Variants in WWP1 observed in about 807,000 individuals in gnomAD.
WWP1 encodes NEDD4-like E3 ubiquitin-protein ligase WWP1.
A neutral mutation model predicts 130.6 loss-of-function variants in WWP1; 49 were observed. The observed-to-expected ratio is 0.38, with a 90% CI of 0.30 to 0.48. The LOEUF is 0.48. Ranked by LOEUF, WWP1 falls within the 20% of genes least tolerant of loss-of-function variation. The pLI is 0.99. For synonymous variants in WWP1, 332 were observed against 367.8 expected, an observed-to-expected ratio of 0.90 and a Z score of 1.11; for missense variants, 809 against 1,100.6, an observed-to-expected ratio of 0.74 and a Z score of 3.75.
chr8:86,419,394 G>T (rs919343378), intron 9 of WWP1, among the ~76,000 whole-genome samples: 2 of 152,162 alleles, frequency 1.3e-5, no homozygotes, highest in East Asian at 1.9e-4. Context: ...GTCCAGCTTG[G>T]GTGACAGAGC....
intron 5 of WWP1, among the ~76,000 whole-genome samples, chr8:86,388,276 CTT>C (rs1338359974): frequency 1.7e-5 from 2 of 116,324 alleles, no homozygotes; most frequent in African/African-American, 3.2e-5. Context: ...TTCCTTTTTT[CTT>C]TTTTAAATGT....
At chr8:86,401,333 G>A (rs1807966646) in intron 7 of WWP1, among the ~76,000 whole-genome samples, 1 of 152,032 alleles carries the variant, frequency 6.6e-6, no homozygotes, top group South Asian at 2.1e-4. Flanking sequence ...GTCAAGATGG[G>A]AGGATCGCTT....
intron 8 of WWP1, among the ~76,000 whole-genome samples, chr8:86,411,174 G>A (rs187839419): frequency 1.1e-4 from 17 of 152,236 alleles, no homozygotes; most frequent in South Asian, 2.1e-4. Flanking sequence ...AGGGAAGGGC[G>A]ATTGAAAGGG....
intron 21 of WWP1, among the ~76,000 whole-genome samples, chr8:86,454,257 A>G (rs184984457): frequency 5.8e-4 from 89 of 152,288 alleles, no homozygotes; most frequent in South Asian, 2.1e-4. Flanking sequence ...TGCAAATGCT[A>G]TGGTAAATAG....
intron 9 of WWP1, among the ~76,000 whole-genome samples, chr8:86,423,210 ATTTATTTATTTAT>A (rs1048378292): frequency 9.2e-5 from 14 of 151,640 alleles, no homozygotes; most frequent in African/African-American, 2.7e-4. Context: ...TTTTATTTTT[ATTTATTTATTTAT>A]TTTATTTATT....
chr8:86,348,107 A>G (rs1822693334), intron 1 of WWP1, among the ~76,000 whole-genome samples: 1 of 152,238 alleles, frequency 6.6e-6, no homozygotes, highest in Non-Finnish European at 1.5e-5. Flanking sequence ...TTTTTTAGGG[A>G]ATGTATAATG....
intron 10 of WWP1, among the ~76,000 whole-genome samples, chr8:86,425,737 A>G (rs543056668): frequency 6.6e-6 from 1 of 152,354 alleles, no homozygotes; most frequent in East Asian, 1.9e-4. Context: ...TATGATCTAC[A>G]AAGATTGCCA....
At chr8:86,378,629 A>C (rs1824806997) in intron 3 of WWP1, among the ~76,000 whole-genome samples, 1 of 152,204 alleles carries the variant, frequency 6.6e-6, no homozygotes, top group African/African-American at 2.4e-5. Context: ...GTTGTCTTCT[A>C]GTTATTTAAA....
chr8:86,398,475 A>T lies in WWP1; in HGVS notation c.468A>T (p.Pro156=). Residue 156 remains proline, a synonymous_variant, in exon 6 of 25, where the codon CCA becomes CCT. Coordinates refer to ENST00000517970, the MANE Select transcript of WWP1 (RefSeq NM_007013.4). ...ATATAACAAACTGCAGCTCATCTCC[A>T]ACCAGTAAGCTAACTTTATATGTTT... The part of the protein sequence containing the change: ...QENITNCSSS[P]TIEIQENGDA... 1 of 1,612,406 alleles carries T rather than the reference A, an allele frequency of 6.2e-7. No homozygotes were observed. The highest frequency in any genetic ancestry group is 1.1e-5 in the South Asian group (1 of 90,630).
intron 1 of WWP1, among the ~76,000 whole-genome samples, chr8:86,352,220 T>TTTTATTTATTTA (rs144926323): frequency 6.6e-6 from 1 of 150,504 alleles, no homozygotes; most frequent in Non-Finnish European, 1.5e-5. Context: ...AATTTTTTAT[T>TTTTATTTATTTA]TTTATTTATT....
At chr8:86,366,533 ATTTTGAGCCT>A (rs1586272086) in intron 1 of WWP1, among the ~76,000 whole-genome samples, 1 of 152,182 alleles carries the variant, frequency 6.6e-6, no homozygotes, top group Non-Finnish European at 1.5e-5. Flanking sequence ...CAGTGATATG[ATTTTGAGCCT>A]TAGTGATGAG....
chr8:86,373,216 C>A (rs1824435481), intron 2 of WWP1, among the ~76,000 whole-genome samples: 1 of 151,766 alleles, frequency 6.6e-6, no homozygotes, highest in African/African-American at 2.4e-5. Context: ...AAACTTAGAA[C>A]ATTTTTTGAA....
At chr8:86,423,811 G>GCCCCC (rs373220036) in intron 9 of WWP1, among the ~76,000 whole-genome samples, 4 of 142,846 alleles carry the variant, frequency 2.8e-5, no homozygotes, top group African/African-American at 1.0e-4. Flanking sequence ...GGGCAGAGGC[G>GCCCCC]CCCCCCCCCC....
chr8:86,409,226 C>CTTTTTT (rs1230976832), intron 8 of WWP1, among the ~76,000 whole-genome samples: 63 of 100,486 alleles, frequency 6.3e-4, no homozygotes, highest in African/African-American at 1.1e-3. Flanking sequence ...CTTTTTCTTT[C>CTTTTTT]TTTTTTTTTT....
At chr8:86,429,362 GT>G (rs1280291146) in intron 11 of WWP1, among the ~76,000 whole-genome samples, 2 of 152,136 alleles carry the variant, frequency 1.3e-5, no homozygotes, top group East Asian at 3.8e-4. Flanking sequence ...ACAAAACAGG[GT>G]TTTGGTTCTC....
Position 86,389,978 on chromosome 8 carries a change from C to T in WWP1, c.334+8349C>T, listed in dbSNP as rs187498417. Among the ~76,000 whole-genome samples, 180 of 151,080 alleles carry T rather than the reference C, an allele frequency of 1.2e-3. 2 individuals are homozygous for T. The highest frequency in any genetic ancestry group is 4.1e-3 in the African/African-American group (169 of 41,148). On this transcript the variant is annotated intron_variant, in intron 5 of 24. Transcript: ENST00000517970. Reference sequence around the variant, plus strand: ...GCGGAGGGGCTCCTCACTTCTCAGACGGGGCAGCCCGGCAGAGACGCTCCT... The same window carrying T: ...GCGGAGGGGCTCCTCACTTCTCAGATGGGGCAGCCCGGCAGAGACGCTCCT...
chr8:86,391,792 C>T (rs1235426986), intron 5 of WWP1, among the ~76,000 whole-genome samples: 1 of 151,912 alleles, frequency 6.6e-6, no homozygotes, highest in Non-Finnish European at 1.5e-5. Context: ...TGGTAGCTGG[C>T]AAGTAACGAA....
chr8:86,408,369 G>C (rs926967297), intron 8 of WWP1, among the ~76,000 whole-genome samples: 2 of 152,160 alleles, frequency 1.3e-5, no homozygotes, highest in African/African-American at 4.8e-5. Context: ...GTTGGATTGA[G>C]GAGTGAGACT....
At chr8:86,390,444 G>A (rs1467385475) in intron 5 of WWP1, among the ~76,000 whole-genome samples, 2 of 152,196 alleles carry the variant, frequency 1.3e-5, no homozygotes, top group African/African-American at 2.4e-5. Context: ...TGCAATCCCG[G>A]CACTTCGGGA....
Sources: gnomAD v4.1 joint callset for allele counts (sites outside exome capture counted in the v4.1 genomes callset) on GRCh38, gnomAD v4.1.1 for gene constraint, MANE v1.5 for transcripts, NCBI Gene and HGNC (gene_info 2026-07-23, HGNC 2026-07-21) for gene names.